The following MAP4K3 variants were observed in gnomAD, a reference collection of about 807,000 sequenced individuals.
The protein encoded by MAP4K3 is MAPK/ERK kinase kinase kinase 3.
In MAP4K3, 94 loss-of-function variants were observed where a neutral mutation model predicts 143.5. The observed-to-expected ratio is 0.65, with a 90% CI of 0.55 to 0.78. The LOEUF (loss-of-function observed/expected upper bound fraction) is 0.78, where lower values mean the gene tolerates loss of function less well. Among genes scored for constraint, MAP4K3 ranks in the 30% least tolerant of loss-of-function variants. The pLI is 0.00. For synonymous variants in MAP4K3, 416 were observed against 347.2 expected, an observed-to-expected ratio of 1.20 and a Z score of -2.20; for missense variants, 1,077 against 1,068.1, an observed-to-expected ratio of 1.01 and a Z score of -0.12.
At chr2:39,416,119 T>A (rs1195405212) in intron 1 of MAP4K3, among the ~76,000 whole-genome samples, 1 of 150,130 alleles carries the variant, frequency 6.7e-6, no homozygotes, top group Non-Finnish European at 1.5e-5. Flanking sequence ...GTAAATTGTA[T>A]GGTATATGAA....
intron 1 of MAP4K3, among the ~76,000 whole-genome samples, chr2:39,389,700 A>C (rs1666601173): frequency 6.6e-6 from 1 of 152,198 alleles, no homozygotes; most frequent in Admixed American, 6.5e-5. Context: ...AAAATAGGGC[A>C]AAATAAAGAC....
intron 1 of MAP4K3, among the ~76,000 whole-genome samples, chr2:39,433,012 C>T (rs1665341288): frequency 6.6e-6 from 1 of 152,210 alleles, no homozygotes; most frequent in African/African-American, 2.4e-5. Flanking sequence ...ATCTAATAGT[C>T]AAGTAAGTTT....
At chr2:39,384,242 G>C (rs866308520) in intron 1 of MAP4K3, among the ~76,000 whole-genome samples, 1 of 151,928 alleles carries the variant, frequency 6.6e-6, no homozygotes, top group Non-Finnish European at 1.5e-5. Flanking sequence ...AAACAGCACT[G>C]TCGGCCGGGC....
intron 2 of MAP4K3, among the ~76,000 whole-genome samples, chr2:39,357,275 C>T (rs1401484250): frequency 6.6e-6 from 1 of 152,220 alleles, no homozygotes; most frequent in East Asian, 1.9e-4. Flanking sequence ...AATGGAAGTG[C>T]TTACTCTGAA....
rs534891279 is a variant in MAP4K3, at chr2:39,425,759, T to C, written c.96+11133A>G. On this transcript the variant is annotated intron_variant, in intron 1 of 33. Transcript: ENST00000263881. ...TCCAACTGGCCAAATCTGAAATTGT[T>C]TGAGCATCAAAATAAAAGTGATGAA... Among the ~76,000 whole-genome samples the C allele has an allele frequency of 5.9e-5, 9 of 152,300 alleles. No individual in the cohort carries two copies. The South Asian group carries it at 1.5e-3, about 25-fold the overall frequency.
intron 7 of MAP4K3, 28 bp downstream of exon 7, chr2:39,333,504 G>A (rs1292100148): frequency 1.3e-6 from 2 of 1,559,022 alleles, no homozygotes; most frequent in Admixed American, 3.4e-5. Context: ...ATAGATTTGT[G>A]CACGTGACAA....
chr2:39,409,875 A>T (rs1296021514), intron 1 of MAP4K3, among the ~76,000 whole-genome samples: 1 of 152,232 alleles, frequency 6.6e-6, no homozygotes, highest in Non-Finnish European at 1.5e-5. Flanking sequence ...GATAAAGGAC[A>T]ATGTGGTTAA....
intron 2 of MAP4K3, among the ~76,000 whole-genome samples, chr2:39,373,117 A>T (rs1666125756): frequency 6.6e-6 from 1 of 152,240 alleles, no homozygotes; most frequent in South Asian, 2.1e-4. Flanking sequence ...ATTCAATTTA[A>T]AAATGGGCAA....
Position 39,250,517 on chromosome 2 carries a change from A to C in MAP4K3, c.*101T>G. ...GCCACAATAAATTACAAAGTAACTG[A>C]AGACAGGTTACTGCAGCTTTTGTAC... On this transcript the variant is annotated 3_prime_UTR_variant, in exon 34 of 34. Coordinates refer to ENST00000263881, the MANE Select transcript of MAP4K3 (RefSeq NM_003618.4). 1 of 1,100,306 alleles carries C rather than the reference A, an allele frequency of 9.1e-7. No individual in the cohort carries two copies. The highest frequency in any genetic ancestry group is 2.4e-5 in the Admixed American group (1 of 41,990). 68.2% of individuals were successfully genotyped at this position (1,100,306 alleles called of 1,614,324 possible). A position where few individuals can be genotyped will look rare whatever the true frequency, so the allele number is the denominator to read the frequency against.
chr2:39,358,300 T>C (rs1384725647), intron 2 of MAP4K3, among the ~76,000 whole-genome samples: 2 of 152,244 alleles, frequency 1.3e-5, no homozygotes, highest in Non-Finnish European at 2.9e-5. Flanking sequence ...GATAGCATTA[T>C]GTCTTCATCA....
chr2:39,386,378 C>A (rs1666505834), intron 1 of MAP4K3, among the ~76,000 whole-genome samples: 1 of 152,134 alleles, frequency 6.6e-6, no homozygotes, highest in Non-Finnish European at 1.5e-5. Context: ...CCTTGCCAAA[C>A]AAATATACAG....
intron 4 of MAP4K3, among the ~76,000 whole-genome samples, chr2:39,342,108 GTAT>G (rs113261872): frequency 0.045 from 6,471 of 143,026 alleles, 375 homozygotes; most frequent in African/African-American, 0.14. Context: ...TGTCTTTCTA[GTAT>G]TATTATTATT....
At chr2:39,321,827 A>C (rs965763787) in intron 12 of MAP4K3, among the ~76,000 whole-genome samples, 1 of 152,192 alleles carries the variant, frequency 6.6e-6, no homozygotes, top group African/African-American at 2.4e-5. Context: ...AAAGCACAGC[A>C]CTTGATTCTT....
At chr2:39,325,039 A>G (rs995141959) in intron 12 of MAP4K3, among the ~76,000 whole-genome samples, 2 of 152,092 alleles carry the variant, frequency 1.3e-5, no homozygotes, top group Non-Finnish European at 2.9e-5. Context: ...CAGGTTTCAA[A>G]CTCCTGGCCT....
intron 12 of MAP4K3, among the ~76,000 whole-genome samples, chr2:39,317,287 A>G (rs1028477284): frequency 1.3e-5 from 2 of 152,156 alleles, no homozygotes; most frequent in African/African-American, 4.8e-5. Flanking sequence ...ACTTAAATGT[A>G]AAATCTAAAA....
intron 15 of MAP4K3, among the ~76,000 whole-genome samples, chr2:39,304,931 A>T (rs1385805483): frequency 6.6e-6 from 1 of 152,204 alleles, no homozygotes; most frequent in Non-Finnish European, 1.5e-5. Context: ...GGTATTACGA[A>T]ATTATGCTAA....
intron 4 of MAP4K3, among the ~76,000 whole-genome samples, chr2:39,338,883 G>A (rs898029504): frequency 6.6e-6 from 1 of 152,166 alleles, no homozygotes; most frequent in African/African-American, 2.4e-5. Flanking sequence ...CAAACCTGTT[G>A]GCACCTTGAT....
intron 3 of MAP4K3, among the ~76,000 whole-genome samples, chr2:39,354,138 G>A (rs568669437): frequency 1.3e-5 from 2 of 152,052 alleles, no homozygotes; most frequent in African/African-American, 2.4e-5. Context: ...GTGAAACACC[G>A]TCTCTACTAA....
intron 13 of MAP4K3, among the ~76,000 whole-genome samples, chr2:39,310,692 C>T (rs1330162792): frequency 6.6e-6 from 1 of 152,212 alleles, no homozygotes; most frequent in Non-Finnish European, 1.5e-5. Context: ...TACTAATTTA[C>T]ATTTCCATCA....
Sources: allele counts gnomAD v4.1 joint callset (sites outside exome capture counted in the v4.1 genomes callset), GRCh38; gene constraint gnomAD v4.1.1; transcripts MANE v1.5; gene names NCBI Gene and HGNC (gene_info 2026-07-23, HGNC 2026-07-21).